The following ZNF331 variants were observed in gnomAD, a reference collection of about 807,000 sequenced individuals.
The protein encoded by ZNF331 is zinc finger protein 331, also known as C2H2-like zinc finger protein rearranged in thyroid adenomas.
ZNF331 carries 2 observed loss-of-function variants against 7.0 expected under a neutral mutation model. The observed-to-expected ratio is 0.29, with a 90% confidence interval of 0.12 to 0.90. The LOEUF (loss-of-function observed/expected upper bound fraction) is 0.90, where lower values mean the gene tolerates loss of function less well. Ranked by LOEUF, ZNF331 falls within the 40% of genes least tolerant of loss-of-function variation. ZNF331 has a pLI of 0.58. For missense variants in ZNF331, 432 were observed against 587.7 expected, an observed-to-expected ratio of 0.74 and a Z score of 2.74; for synonymous variants, 196 against 205.4, an observed-to-expected ratio of 0.95 and a Z score of 0.39.
chr19:53,558,356 C>T lies in ZNF331; in HGVS notation c.-74+2448C>T, dbSNP rs537186086. On this transcript the variant is annotated intron_variant, in intron 3 of 5. Transcript: ENST00000449416. The surrounding 1 kb of genome is among the most constrained non-coding windows in gnomAD (Gnocchi z 4.5). ...CTTCTGTTCCCGTGGAATTGGGGTGCGCCACCTTTTCAGAGTTCTTTTGTA... is the reference window on the plus strand; with the variant it reads ...CTTCTGTTCCCGTGGAATTGGGGTGTGCCACCTTTTCAGAGTTCTTTTGTA... Among the ~76,000 whole-genome samples, 31 of 152,190 alleles carry T rather than the reference C, an allele frequency of 2.0e-4. No homozygotes were observed. Among genetic ancestry groups the T allele is most frequent in the African/African-American group, 5.3e-4 (22 of 41,492 alleles).
rs1448132945 is a variant in ZNF331, at chr19:53,566,238, G to C, written c.-73-3066G>C. 2.6e-5 allele frequency among the ~76,000 whole-genome samples: 4 copies of C among 152,266 alleles called. No homozygotes were observed. The East Asian group carries it at 5.8e-4, about 22-fold the overall frequency. ...CCAGCATCACATTGTGACAACACCTGTTCCATGTTATCGACCAGGGAAGCT... is the reference window on the plus strand; with the variant it reads ...CCAGCATCACATTGTGACAACACCTCTTCCATGTTATCGACCAGGGAAGCT... On this transcript the variant is annotated intron_variant, in intron 3 of 5. Transcript: ENST00000449416.
At chr19:53,526,590 G>A (rs1265574250) in intron 2 of ZNF331, among the ~76,000 whole-genome samples, 1 of 150,198 alleles carries the variant, frequency 6.7e-6, no homozygotes, top group East Asian at 2.0e-4. Context: ...GTCTCGCCCT[G>A]TCACCAGGCT....
chr19:53,560,117 CAT>C lies in ZNF331; in HGVS notation c.-74+4215_-74+4216del, dbSNP rs1250912497. Among the ~76,000 whole-genome samples, 3 of 150,596 alleles carry C rather than the reference CAT, an allele frequency of 2.0e-5. No homozygotes were observed. The highest frequency in any genetic ancestry group is 1.5e-5 in the Non-Finnish European group (1 of 67,696). On this transcript the variant is annotated intron_variant, in intron 3 of 5. Coordinates refer to ENST00000449416, the MANE Select transcript of ZNF331 (RefSeq NM_001079906.2). The surrounding 1 kb of genome is among the most constrained non-coding windows in gnomAD (Gnocchi z 4.3). ...CACATATACCCACACCATACACACA[CAT>C]ATATACACACACCATATATATACAC...
chr19:53,571,775 C>T lies in ZNF331; in HGVS notation c.136+45C>T. The T allele has an allele frequency of 6.4e-7, 1 of 1,551,622 alleles. No homozygotes were observed. Among genetic ancestry groups the T allele is most frequent in the Non-Finnish European group, 8.7e-7 (1 of 1,150,456 alleles). ...TAACTTAGACTGCCTCCTGGAATAT[C>T]CGCTCTCCCCTGTGAATTTCAGGAC... On this transcript the variant is annotated intron_variant, in intron 5 of 5. Transcript: ENST00000449416. This position sits in a 1 kb window ranked among gnomAD's most constrained non-coding sequence, Gnocchi z 4.7.
At chr19:53,569,212 G>T in intron 3 of ZNF331, 92 bp from the exon 4 acceptor site, 1 of 658,874 alleles carries the variant, frequency 1.5e-6, no homozygotes, top group Non-Finnish European at 2.7e-6. Flanking sequence ...GTTTGTGTTG[G>T]GAAGCCAAGA....
intron 3 of ZNF331, among the ~76,000 whole-genome samples, chr19:53,567,852 A>G (rs1456542391): frequency 7.0e-6 from 1 of 143,360 alleles, no homozygotes; most frequent in Admixed American, 7.0e-5. Context: ...AAAAAAAAAA[A>G]CAAAAAACTA....
In ZNF331 at chr19:53,556,242, C is replaced by CA. The variant is rs1160118053; in HGVS notation, c.-74+354dup. On this transcript the variant is annotated intron_variant, in intron 3 of 5. Coordinates refer to ENST00000449416, the MANE Select transcript of ZNF331 (RefSeq NM_001079906.2). ...TGGGCAACACAGCGAGACTCCATCT[C>CA]AAAAAAAAAAAAAAAAAAAAGGAAA... 3.9e-3 allele frequency among the ~76,000 whole-genome samples: 330 copies of CA among 84,772 alleles called. 3 individuals carry two copies. The highest frequency in any genetic ancestry group is 6.4e-3 in the African/African-American group (145 of 22,498). The allele number at this position is 84,772 out of a possible 152,430, so 55.6% of individuals were successfully genotyped here.
intron 3 of ZNF331, among the ~76,000 whole-genome samples, chr19:53,559,123 A>G (rs903727138): frequency 2.1e-5 from 3 of 139,888 alleles, no homozygotes; most frequent in Non-Finnish European, 4.9e-5. Flanking sequence ...CACCATACAT[A>G]CACACACACC....
At chr19:53,520,274 TGATCTCAG>T (rs2087016675), upstream of ZNF331, among the ~76,000 whole-genome samples, 1 of 152,062 alleles carries the variant, frequency 6.6e-6, no homozygotes, top group Admixed American at 6.6e-5. Context: ...CTCGAACTCC[TGATCTCAG>T]GTGATATACC....
chr19:53,518,389 C>G (rs2086956116), upstream of ZNF331, among the ~76,000 whole-genome samples: 1 of 152,160 alleles, frequency 6.6e-6, no homozygotes, highest in Non-Finnish European at 1.5e-5. Flanking sequence ...CCACTACTGG[C>G]TTCTTTTTTC....
chr19:53,560,182 TAC>T lies in ZNF331; in HGVS notation c.-74+4282_-74+4283del, dbSNP rs57319016. On this transcript the variant is annotated intron_variant, in intron 3 of 5. Transcript: ENST00000449416. The surrounding 1 kb of genome is among the most constrained non-coding windows in gnomAD (Gnocchi z 4.3). ...ATCCACACCATATATACACACACCA[TAC>T]ACACACATATATACACACACCATAT... 0.04 allele frequency among the ~76,000 whole-genome samples: 5,821 copies of T among 146,754 alleles called. 206 individuals are homozygous for T. Among genetic ancestry groups the T allele is most frequent in the Non-Finnish European group, 0.054 (3,513 of 65,654 alleles).
chr19:53,539,465 CCT>C lies in ZNF331; in HGVS notation c.-138+184_-138+185del, dbSNP rs1445537117. 1 of 152,072 alleles carries C rather than the reference CCT, an allele frequency of 6.6e-6. No individual in the cohort carries two copies. Among genetic ancestry groups the C allele is most frequent in the Non-Finnish European group, 1.5e-5 (1 of 68,010 alleles). 9.4% of individuals were successfully genotyped at this position (152,072 alleles called of 1,614,324 possible). On this transcript the variant is annotated intron_variant, in intron 2 of 5. Coordinates refer to ENST00000449416, the MANE Select transcript of ZNF331 (RefSeq NM_001079906.2). This position sits in a 1 kb window ranked among gnomAD's most constrained non-coding sequence, Gnocchi z 6.1. ...CGCATAAAACCCATAGACGCGCACC[CCT>C]GAGTGGGAGTGCACAGTGAGTGCTG...
At chr19:53,567,683 C>CA (rs796729593) in intron 3 of ZNF331, among the ~76,000 whole-genome samples, 5,236 of 144,376 alleles carry the variant, frequency 0.036, 300 homozygotes, top group African/African-American at 0.12. Flanking sequence ...GCAATCTCTA[C>CA]AAAAAAAAAA....
chr19:53,530,187 G>A (rs907627386), intron 2 of ZNF331, among the ~76,000 whole-genome samples: 2 of 152,104 alleles, frequency 1.3e-5, no homozygotes, highest in Admixed American at 1.3e-4. Context: ...GGGATGCCAT[G>A]TACTTTTAAA....
Position 53,577,967 on chromosome 19 carries a change from G to A in ZNF331, c.*15G>A, listed in dbSNP as rs148359029. 1,653 of 1,596,932 alleles carry A rather than the reference G, an allele frequency of 1.0e-3. 19 individuals are homozygous for A. In the African/African-American group the frequency reaches 0.02, roughly 19 times the overall value. On this transcript the variant is annotated 3_prime_UTR_variant, in exon 6 of 6. Coordinates refer to ENST00000449416, the MANE Select transcript of ZNF331 (RefSeq NM_001079906.2). ...ACAACAGTTGAAGAGCCTTTTGAAC[G>A]CAGTAGCCCGCTCGTATCTATGGTT... is the stretch of plus-strand genomic sequence containing the variant.
At chr19:53,561,213 C>T (rs1390648531) in intron 3 of ZNF331, among the ~76,000 whole-genome samples, 1 of 151,664 alleles carries the variant, frequency 6.6e-6, no homozygotes, top group Admixed American at 6.6e-5. Flanking sequence ...TCAGAGTTTC[C>T]TTAATGACTA....
At chr19:53,540,657 TC>T (rs2088094930) in intron 2 of ZNF331, among the ~76,000 whole-genome samples, 1 of 151,790 alleles carries the variant, frequency 6.6e-6, no homozygotes, top group Admixed American at 6.6e-5. Flanking sequence ...GGTCTCGAAC[TC>T]CTGACCTCAG....
the ZNF331 span, among the ~76,000 whole-genome samples, chr19:53,509,563 G>T: frequency 6.6e-6 from 1 of 152,278 alleles, no homozygotes; most frequent in East Asian, 1.9e-4. Context: ...ATGGATCCAG[G>T]AAAGATCCTA....
chr19:53,552,845 C>G (rs930663252), intron 2 of ZNF331, among the ~76,000 whole-genome samples: 1 of 151,970 alleles, frequency 6.6e-6, no homozygotes, highest in East Asian at 1.9e-4. Flanking sequence ...TACATATTGC[C>G]GTATGTATTA....
Sources: gnomAD v4.1 joint callset for allele counts (sites outside exome capture counted in the v4.1 genomes callset) on GRCh38, gnomAD v4.1.1 for gene constraint, Gnocchi (gnomAD v3.1) non-coding constraint, MANE v1.5 for transcripts, NCBI Gene and HGNC (gene_info 2026-07-23, HGNC 2026-07-21) for gene names.